Variants in OSBPL3 observed in about 807,000 individuals in gnomAD.
OSBPL3 encodes oxysterol binding protein like 3, also known as oxysterol-binding protein-related protein 3.
In OSBPL3, 65 loss-of-function variants were observed where a neutral mutation model predicts 120.1. The observed-to-expected ratio is 0.54, with a 90% CI of 0.44 to 0.67. OSBPL3 has a LOEUF of 0.67. OSBPL3 is among the 30% of genes least tolerant of loss of function. OSBPL3 has a pLI of 0.00. For missense variants in OSBPL3, 1,004 were observed against 1,082.1 expected, an observed-to-expected ratio of 0.93 and a Z score of 1.01; for synonymous variants, 416 against 402.6, an observed-to-expected ratio of 1.03 and a Z score of -0.40.
At chr7:24,876,986 C>T (rs960891170) in intron 2 of OSBPL3, among the ~76,000 whole-genome samples, 2 of 152,110 alleles carry the variant, frequency 1.3e-5, no homozygotes, top group Non-Finnish European at 2.9e-5. Flanking sequence ...CCTGCACAAC[C>T]TTTGAGATTG....
At chr7:24,828,622 G>GAA (rs544011465) in intron 16 of OSBPL3, among the ~76,000 whole-genome samples, 1 of 79,892 alleles carries the variant, frequency 1.3e-5, no homozygotes, top group Non-Finnish European at 2.5e-5. Context: ...AAAAAAAAAA[G>GAA]AAAAAAAAAA....
chr7:24,897,867 C>A (rs1806412250), intron 1 of OSBPL3, among the ~76,000 whole-genome samples: 1 of 152,166 alleles, frequency 6.6e-6, no homozygotes. Flanking sequence ...TCCATTAGGC[C>A]TGGGGGTCTG....
At chr7:24,928,376 A>G (rs1003374007) in intron 1 of OSBPL3, among the ~76,000 whole-genome samples, 11 of 151,920 alleles carry the variant, frequency 7.2e-5, no homozygotes, top group Non-Finnish European at 1.6e-4. Context: ...TCTTTTTAGT[A>G]GAGACGGGGT....
chr7:24,875,428 C>T (rs1802711438), intron 2 of OSBPL3, among the ~76,000 whole-genome samples: 1 of 152,152 alleles, frequency 6.6e-6, no homozygotes, highest in South Asian at 2.1e-4. Context: ...TGTAGTCATG[C>T]CTGGACTTTT....
At chr7:24,860,109 C>T (rs1279553145) in intron 10 of OSBPL3, among the ~76,000 whole-genome samples, 1 of 152,132 alleles carries the variant, frequency 6.6e-6, no homozygotes, top group African/African-American at 2.4e-5. Flanking sequence ...ATTCACTGAT[C>T]TGTTTGTATG....
In OSBPL3 at chr7:24,817,418, G is replaced by A. The variant is rs1401498840; in HGVS notation, c.1949-730C>T. Among the ~76,000 whole-genome samples, 1 of 152,140 alleles carries A rather than the reference G, an allele frequency of 6.6e-6. No homozygotes were observed. The highest frequency in any genetic ancestry group is 1.9e-4 in the East Asian group (1 of 5,198). ...TGTAGTCCCAGCTGCTCAGGAGGCT[G>A]AGGCAGGAACCCAAGAGGTGGAGGT... On this transcript the variant is annotated intron_variant, in intron 17 of 22. Coordinates refer to ENST00000313367, the MANE Select transcript of OSBPL3 (RefSeq NM_015550.4). This position sits in a 1 kb window ranked among gnomAD's most constrained non-coding sequence, Gnocchi z 4.0.
In OSBPL3 at chr7:24,891,080, C is replaced by A. The variant is rs1805278377; in HGVS notation, c.96+1297G>T. 6.6e-6 allele frequency among the ~76,000 whole-genome samples: 1 copy of A among 152,152 alleles called. No individual in the cohort carries two copies. The highest frequency in any genetic ancestry group is 2.1e-4 in the South Asian group (1 of 4,824). ...TACCACATACTGTTTTAATCCCAAC[C>A]AGAGTTTTGGCTTAGGGAGAAAAAT... On this transcript the variant is annotated intron_variant, in intron 2 of 22. Transcript: ENST00000313367. The surrounding 1 kb of genome is among the most constrained non-coding windows in gnomAD (Gnocchi z 4.1).
chr7:24,834,500 G>C lies in OSBPL3; in HGVS notation c.1732C>G (p.Pro578Ala). 1.2e-6 allele frequency: 2 copies of C among 1,611,380 alleles called. No homozygotes were observed. The highest frequency in any genetic ancestry group is 1.7e-6 in the Non-Finnish European group (2 of 1,178,324). ...TGACTCCTCACCATCCTTTCCAGGG[G>C]GCTGGGAATCTGCGCGGCCTTGTCC... ...LLDKAAQIPSPLERMVYVAAF... is the reference protein window; with the variant it reads ...LLDKAAQIPSALERMVYVAAF... Residue 578 changes from proline (P) to alanine (A), a missense_variant, in exon 15 of 23, where the codon CCC becomes GCC. Pro to Ala is a conservative substitution (Grantham distance 27). Around this residue, in one of 4 missense-constraint regions of OSBPL3, gnomAD observed 473 missense variants for 568.0 expected, o/e 0.83. Transcript: ENST00000313367. The surrounding 1 kb of genome is among the most constrained non-coding windows in gnomAD (Gnocchi z 5.2).
intron 13 of OSBPL3, 47 bp from the exon 14 acceptor site, chr7:24,840,830 A>G (rs746177163): frequency 2.3e-6 from 2 of 870,576 alleles, no homozygotes; most frequent in Admixed American, 4.9e-5. Context: ...AATAAACAAG[A>G]GCCAGATTTT....
intron 19 of OSBPL3, among the ~76,000 whole-genome samples, 175 bp downstream of exon 19, chr7:24,814,884 G>C (rs752903065): frequency 1.6e-4 from 24 of 152,194 alleles, no homozygotes; most frequent in Non-Finnish European, 1.2e-4. Context: ...AGGCCAGGAG[G>C]GGCCATTGCC....
chr7:24,876,436 T>C (rs1393419185), intron 2 of OSBPL3, among the ~76,000 whole-genome samples: 1 of 150,810 alleles, frequency 6.6e-6, no homozygotes, highest in East Asian at 1.9e-4. Flanking sequence ...TTTTTTTTCT[T>C]CCCTTTCATT....
At chr7:24,807,040 T>A in intron 20 of OSBPL3, 138 bp from the exon 21 acceptor site, 1 of 717,392 alleles carries the variant, frequency 1.4e-6, no homozygotes, top group Non-Finnish European at 2.2e-6. Context: ...ATATTCTGAC[T>A]AATGAACAGG....
Position 24,918,206 on chromosome 7 carries a change from C to T in OSBPL3, c.-149-25585G>A, listed in dbSNP as rs1189248550. 1 of 244,622 alleles carries T rather than the reference C, an allele frequency of 4.1e-6. No individual in the cohort carries two copies. Among genetic ancestry groups the T allele is most frequent in the African/African-American group, 2.3e-5 (1 of 43,078 alleles). 15.2% of individuals were successfully genotyped at this position (244,622 alleles called of 1,614,324 possible). A position where few individuals can be genotyped will look rare whatever the true frequency, so the allele number is the denominator to read the frequency against. On this transcript the variant is annotated intron_variant, in intron 1 of 22. Transcript: ENST00000313367. This position sits in a 1 kb window ranked among gnomAD's most constrained non-coding sequence, Gnocchi z 4.3. ...GGTCAAGAGAGTCATGAGAAACTGACCATCACATAAACACCATAGCAATGT... is the reference window on the plus strand; with the variant it reads ...GGTCAAGAGAGTCATGAGAAACTGATCATCACATAAACACCATAGCAATGT...
chr7:24,935,703 C>G (rs1289204197), intron 1 of OSBPL3, among the ~76,000 whole-genome samples: 1 of 151,934 alleles, frequency 6.6e-6, no homozygotes, highest in Non-Finnish European at 1.5e-5. Context: ...TGATTCAATT[C>G]TCACATGTGT....
chr7:24,970,219 T>C (rs952461935), intron 1 of OSBPL3, among the ~76,000 whole-genome samples: 6 of 149,826 alleles, frequency 4.0e-5, no homozygotes, highest in African/African-American at 1.5e-4. Flanking sequence ...GCGATTCTTC[T>C]GCCTCAGCCT....
rs890464208 is a variant in OSBPL3, at chr7:24,922,412, T to C, written c.-149-29791A>G. ...AGGGAACAATTCCCTCTCAGGGGAA[T>C]TGTATGGCTGAGTGACCAGCGTGGG... On this transcript the variant is annotated intron_variant, in intron 1 of 22. Coordinates refer to ENST00000313367, the MANE Select transcript of OSBPL3 (RefSeq NM_015550.4). The surrounding 1 kb of genome is among the most constrained non-coding windows in gnomAD (Gnocchi z 4.3). 2.0e-5 allele frequency among the ~76,000 whole-genome samples: 3 copies of C among 152,058 alleles called. No individual in the cohort carries two copies. Among genetic ancestry groups the C allele is most frequent in the African/African-American group, 7.2e-5 (3 of 41,384 alleles).
chr7:24,828,718 C>T (rs1796025837), intron 16 of OSBPL3, among the ~76,000 whole-genome samples: 1 of 150,412 alleles, frequency 6.6e-6, no homozygotes, highest in Non-Finnish European at 1.5e-5. Flanking sequence ...TTGTTTAAGC[C>T]TTACTACAAC....
intron 1 of OSBPL3, among the ~76,000 whole-genome samples, chr7:24,915,329 A>G (rs1584607472): frequency 6.6e-6 from 1 of 152,218 alleles, no homozygotes; most frequent in Non-Finnish European, 1.5e-5. Context: ...ATAGAGTTCT[A>G]TCATTTCAGG....
Position 24,801,685 on chromosome 7 carries a change from A to T in OSBPL3, c.2568-1406T>A, listed in dbSNP as rs181353752. 8.2e-3 allele frequency among the ~76,000 whole-genome samples: 1,245 copies of T among 152,328 alleles called. 61 individuals carry two copies. The highest frequency in any genetic ancestry group is 0.071 in the Admixed American group (1,091 of 15,288). On this transcript the variant is annotated intron_variant, in intron 22 of 22. Transcript: ENST00000313367. ...GTTTTATTGGAACATGGCCATGTCC[A>T]TTTGTTTAAATACTGTTTATGGCTG... is the stretch of plus-strand genomic sequence containing the variant.
Sources: allele counts gnomAD v4.1 joint callset (sites outside exome capture counted in the v4.1 genomes callset), GRCh38; gene constraint gnomAD v4.1.1; regional missense constraint gnomAD v4.1.1; non-coding constraint Gnocchi (gnomAD v3.1); transcripts MANE v1.5; gene names NCBI Gene and HGNC (gene_info 2026-07-23, HGNC 2026-07-21).